Variants in PPFIA2 observed in about 807,000 individuals in gnomAD.
PPFIA2 encodes PPFI scaffold protein A2.
A neutral mutation model predicts 175.5 loss-of-function variants in PPFIA2; 46 were observed. The ratio of observed to expected loss-of-function variants is 0.26; its 90% CI spans 0.21 to 0.34. The LOEUF is 0.34. PPFIA2 is among the 10% of genes least tolerant of loss of function. The pLI, the probability that PPFIA2 is intolerant of heterozygous loss-of-function variation, is 1.00. For synonymous variants in PPFIA2, 568 were observed against 511.4 expected, an observed-to-expected ratio of 1.11 and a Z score of -1.49; for missense variants, 1,179 against 1,506.1, an observed-to-expected ratio of 0.78 and a Z score of 3.60.
intron 14 of PPFIA2, among the ~76,000 whole-genome samples, chr12:81,365,301 GT>G (rs1337317602): frequency 1.6e-4 from 25 of 151,758 alleles, no homozygotes; most frequent in East Asian, 1.9e-4. Flanking sequence ...AGAAGATGTG[GT>G]CAGATTAGTG....
chr12:81,612,963 C>A (rs1022598114), intron 4 of PPFIA2, among the ~76,000 whole-genome samples: 1 of 152,130 alleles, frequency 6.6e-6, no homozygotes, highest in Admixed American at 6.5e-5. Flanking sequence ...CATGTATTAT[C>A]ATGGTGATAG....
intron 4 of PPFIA2, among the ~76,000 whole-genome samples, chr12:81,578,757 A>T (rs1427273010): frequency 6.6e-6 from 1 of 151,786 alleles, no homozygotes; most frequent in Non-Finnish European, 1.5e-5. Flanking sequence ...AAATGGTAGC[A>T]TATCTGTCCA....
At position 81,450,662 on chromosome 12, in the gene PPFIA2, T is replaced by A. The variant is rs1438703441; in HGVS notation, c.406-4942A>T. On this transcript the variant is annotated intron_variant, in intron 5 of 32. Coordinates refer to ENST00000549396, the MANE Select transcript of PPFIA2 (RefSeq NM_003625.5). ...AGTTTAATTAGATCCCATTTGTCAA[T>A]TTTGGCTTTTGTTGCCATTGCTTTT... 5.3e-5 allele frequency among the ~76,000 whole-genome samples: 8 copies of A among 152,310 alleles called. 1 individual carries two copies. The South Asian group carries it at 1.5e-3, about 28-fold the overall frequency.
intron 4 of PPFIA2, among the ~76,000 whole-genome samples, chr12:81,468,805 C>T (rs541529505): frequency 4.0e-5 from 6 of 151,424 alleles, no homozygotes; most frequent in Non-Finnish European, 8.8e-5. Flanking sequence ...TAACTGTGTA[C>T]AACATTTAAA....
In PPFIA2 at chr12:81,755,867, C is replaced by A. The variant is rs998084691; in HGVS notation, c.-2-1644G>T. On this transcript the variant is annotated intron_variant, in intron 2 of 32. Transcript: ENST00000549396. The stretch of plus-strand genomic sequence containing the variant: ...CATAAAATGAATATAAGCACATACA[C>A]CCTGATACCCACACTTGATACTACT... 2.6e-5 allele frequency among the ~76,000 whole-genome samples: 4 copies of A among 152,068 alleles called. No homozygotes were observed. In the East Asian group the frequency reaches 5.8e-4, roughly 22 times the overall value.
chr12:81,402,475 G>A (rs1357954450), intron 8 of PPFIA2, among the ~76,000 whole-genome samples: 1 of 152,110 alleles, frequency 6.6e-6, no homozygotes, highest in East Asian at 1.9e-4. Flanking sequence ...TATTATATGT[G>A]TGTAACTTGG....
At position 81,432,463 on chromosome 12, in the gene PPFIA2, CTT is replaced by C. The variant is rs545183498; in HGVS notation, c.645+7507_645+7508del. 6.1e-3 allele frequency among the ~76,000 whole-genome samples: 804 copies of C among 132,722 alleles called. 6 individuals carry two copies. The highest frequency in any genetic ancestry group is 0.019 in the African/African-American group (686 of 35,364). The allele number at this position is 132,722 out of a possible 152,430, so 87.1% of individuals were successfully genotyped here. On this transcript the variant is annotated intron_variant, in intron 7 of 32. Transcript: ENST00000549396. ...ATACTGGCCTTCGGAGCAGAACTAACTTTTTTTTTTTTTTTTTTTCAATACAG... is the reference window on the plus strand; with the variant it reads ...ATACTGGCCTTCGGAGCAGAACTAACTTTTTTTTTTTTTTTTTCAATACAG...
chr12:81,725,625 G>A (rs1444681084), intron 3 of PPFIA2, among the ~76,000 whole-genome samples: 3 of 150,530 alleles, frequency 2.0e-5, no homozygotes, highest in Non-Finnish European at 4.5e-5. Flanking sequence ...TATAAACTTA[G>A]AGAAAGTAGA....
chr12:81,745,416 C>A (rs1231385735), intron 3 of PPFIA2, among the ~76,000 whole-genome samples: 1 of 152,174 alleles, frequency 6.6e-6, no homozygotes, highest in East Asian at 1.9e-4. Context: ...AGGGGAAAGA[C>A]CACAGTGGCA....
intron 4 of PPFIA2, among the ~76,000 whole-genome samples, chr12:81,522,241 C>G (rs2063241162): frequency 6.6e-6 from 1 of 152,078 alleles, no homozygotes; most frequent in Non-Finnish European, 1.5e-5. Context: ...CTGCCTACAC[C>G]TTAACAGGGA....
intron 4 of PPFIA2, among the ~76,000 whole-genome samples, chr12:81,463,615 G>A (rs1472923196): frequency 2.0e-5 from 3 of 152,018 alleles, no homozygotes; most frequent in African/African-American, 4.8e-5. Flanking sequence ...GTGTCCTCAG[G>A]CACATCACAA....
intron 4 of PPFIA2, among the ~76,000 whole-genome samples, chr12:81,458,349 TTTTTACAAAATA>T (rs1322227996): frequency 3.8e-4 from 3 of 7,920 alleles, no homozygotes; most frequent in African/African-American, 1.9e-3. Flanking sequence ...CCTTTTTTTT[TTTTTACAAAATA>T]ACAAAATAAC....
At chr12:81,498,447 C>T (rs1400624688) in intron 4 of PPFIA2, among the ~76,000 whole-genome samples, 1 of 152,122 alleles carries the variant, frequency 6.6e-6, no homozygotes, top group African/African-American at 2.4e-5. Flanking sequence ...GTACTGGTCA[C>T]ATAATCTGTA....
intron 4 of PPFIA2, among the ~76,000 whole-genome samples, chr12:81,619,846 A>T (rs2061830489): frequency 6.6e-6 from 1 of 152,152 alleles, no homozygotes; most frequent in Admixed American, 6.5e-5. Flanking sequence ...GGTCACAAAC[A>T]AAATAAATCT....
At chr12:81,743,289 T>A (rs2082556901) in intron 3 of PPFIA2, among the ~76,000 whole-genome samples, 1 of 151,434 alleles carries the variant, frequency 6.6e-6, no homozygotes, top group Non-Finnish European at 1.5e-5. Flanking sequence ...TGGTGGCACA[T>A]GCCTGTTGCC....
At chr12:81,296,098 G>C (rs1240936725) in intron 23 of PPFIA2, among the ~76,000 whole-genome samples, 2 of 152,160 alleles carry the variant, frequency 1.3e-5, no homozygotes, top group East Asian at 3.9e-4. Context: ...CTGAGCTTAG[G>C]AGTTCAAGAC....
intron 3 of PPFIA2, among the ~76,000 whole-genome samples, chr12:81,688,165 A>AG (rs2074702324): frequency 6.6e-6 from 1 of 152,034 alleles, no homozygotes; most frequent in African/African-American, 2.4e-5. Flanking sequence ...TAATAAAAAA[A>AG]TGAGTAATCT....
In PPFIA2 at chr12:81,384,019, T is replaced by C; in HGVS notation, c.984+4A>G. 2.5e-6 allele frequency: 4 copies of C among 1,600,878 alleles called. No homozygotes were observed. The highest frequency in any genetic ancestry group is 3.4e-6 in the Non-Finnish European group (4 of 1,168,972). On this transcript the variant is annotated splice_donor_region_variant and intron_variant, in intron 9 of 32. Coordinates refer to ENST00000549396, the MANE Select transcript of PPFIA2 (RefSeq NM_003625.5). Reference sequence around the variant, plus strand: ...AAAGACTGAAAGTGGCATGAATCACTTACCTCCCTAATGTCCCTTTGATAC... The same window carrying C: ...AAAGACTGAAAGTGGCATGAATCACCTACCTCCCTAATGTCCCTTTGATAC...
intron 4 of PPFIA2, among the ~76,000 whole-genome samples, chr12:81,618,526 C>CTTTT (rs71098155): frequency 3.5e-5 from 4 of 114,684 alleles, no homozygotes; most frequent in South Asian, 3.1e-4. Flanking sequence ...ACCCATGGCA[C>CTTTT]TTTTTTTTTT....
Sources: gnomAD v4.1 joint callset for allele counts (sites outside exome capture counted in the v4.1 genomes callset) on GRCh38, gnomAD v4.1.1 for gene constraint, MANE v1.5 for transcripts, NCBI Gene and HGNC (gene_info 2026-07-23, HGNC 2026-07-21) for gene names.